Variants in ELL observed in about 807,000 individuals in gnomAD.
The protein encoded by ELL is RNA polymerase II elongation factor ELL.
ELL carries 18 observed loss-of-function variants against 64.0 expected under a neutral mutation model. The observed-to-expected ratio is 0.28, with a 90% confidence interval of 0.19 to 0.42. The LOEUF (loss-of-function observed/expected upper bound fraction) is 0.42, where lower values mean the gene tolerates loss of function less well. Ranked by LOEUF, ELL falls within the 10% of genes least tolerant of loss-of-function variation. The probability of loss-of-function intolerance (pLI) is 1.00; values close to 1 mark genes in which losing one functional copy is unlikely to be tolerated. For missense variants in ELL, 797 were observed against 870.4 expected (o/e 0.92, Z 1.06); for synonymous variants, 399 against 376.2 (o/e 1.06, Z -0.70).
Position 18,465,442 on chromosome 19 carries a change from T to C in ELL, c.439A>G (p.Ile147Val). Residue 147 changes from isoleucine to valine, a missense_variant, in exon 4 of 12, where the codon ATT becomes GTT. Coordinates refer to ENST00000262809, the MANE Select transcript of ELL (RefSeq NM_006532.4). ...TAGCGGCCTCCAGCCTTGATGACAATGGCACTTCGGCTCCGCGTCTCCTCC... is the reference window on the plus strand; with the variant it reads ...TAGCGGCCTCCAGCCTTGATGACAACGGCACTTCGGCTCCGCGTCTCCTCC... ...AEEETRSRSA[I>V]VIKAGGRYLG... is the part of the protein sequence containing the mutation. The C allele has an allele frequency of 1.2e-6, 2 of 1,610,432 alleles. No homozygotes were observed. The highest frequency in any genetic ancestry group is 1.7e-6 in the Non-Finnish European group (2 of 1,177,456).
chr19:18,475,369 G>A (rs1233637739), intron 1 of ELL, among the ~76,000 whole-genome samples: 7 of 152,184 alleles, frequency 4.6e-5, no homozygotes, highest in Non-Finnish European at 1.0e-4. Context: ...AGCAAGTGTT[G>A]GCGAGGACCC....
intron 1 of ELL, among the ~76,000 whole-genome samples, chr19:18,500,437 C>T (rs1036519394): frequency 6.6e-6 from 1 of 152,202 alleles, no homozygotes; most frequent in Non-Finnish European, 1.5e-5. Context: ...ACCTTCACAG[C>T]CGCTCCATCA....
chr19:18,467,136 T>G (rs935622057), intron 2 of ELL, among the ~76,000 whole-genome samples: 2 of 152,152 alleles, frequency 1.3e-5, no homozygotes, highest in African/African-American at 4.8e-5. Flanking sequence ...CCAGTGCCAG[T>G]CCCTGCTCCC....
chr19:18,447,609 C>A (rs531582734), intron 8 of ELL, among the ~76,000 whole-genome samples: 260 of 152,324 alleles, frequency 1.7e-3, no homozygotes, highest in Non-Finnish European at 1.6e-3. Flanking sequence ...GTGCCCCGGC[C>A]ACATAAGACA....
chr19:18,474,752 TG>T (rs1465265937), intron 1 of ELL, among the ~76,000 whole-genome samples: 1 of 152,186 alleles, frequency 6.6e-6, no homozygotes, highest in African/African-American at 2.4e-5. Flanking sequence ...ACCACCAGCC[TG>T]TGCTGCTACT....
Position 18,485,012 on chromosome 19 carries a change from C to T in ELL, c.136-12130G>A, listed in dbSNP as rs138834118. Reference sequence around the variant, plus strand: ...AGGGCACAGCATGGGCCTCTCCTAGCCCTGGGTTCCTGACGTTTCTGAGGT... The same window carrying T: ...AGGGCACAGCATGGGCCTCTCCTAGTCCTGGGTTCCTGACGTTTCTGAGGT... On this transcript the variant is annotated intron_variant, in intron 1 of 11. Coordinates refer to ENST00000262809, the MANE Select transcript of ELL (RefSeq NM_006532.4). 5.5e-3 allele frequency among the ~76,000 whole-genome samples: 839 copies of T among 152,290 alleles called. 2 individuals are homozygous for T. The highest frequency in any genetic ancestry group is 0.011 in the Admixed American group (168 of 15,302).
intron 5 of ELL, 116 bp downstream of exon 5, chr19:18,461,458 CCCAG>C: frequency 6.8e-7 from 1 of 1,461,344 alleles, no homozygotes; most frequent in Non-Finnish European, 9.1e-7. Flanking sequence ...TGTGAGAGAC[CCCAG>C]GAAGGGCTCT....
chr19:18,460,694 C>G (rs1974789841), intron 5 of ELL, among the ~76,000 whole-genome samples: 1 of 152,194 alleles, frequency 6.6e-6, no homozygotes, highest in Non-Finnish European at 1.5e-5. Flanking sequence ...AGCTGCTATC[C>G]CGGCATGCCA....
Position 18,493,854 on chromosome 19 carries a change from C to A in ELL, c.136-20972G>T, listed in dbSNP as rs544401363. 2.6e-5 allele frequency among the ~76,000 whole-genome samples: 4 copies of A among 152,322 alleles called. No individual in the cohort carries two copies. The South Asian group carries it at 8.3e-4, about 32-fold the overall frequency. On this transcript the variant is annotated intron_variant, in intron 1 of 11. Coordinates refer to ENST00000262809, the MANE Select transcript of ELL (RefSeq NM_006532.4). ...TCATAGCTCTTTGCTCTCTTGTCTG[C>A]ACACACAGATGTCCACCAGTGGGGA... is the stretch of plus-strand genomic sequence containing the variant.
chr19:18,505,822 G>T (rs536664564), intron 1 of ELL, among the ~76,000 whole-genome samples: 2 of 152,184 alleles, frequency 1.3e-5, no homozygotes, highest in African/African-American at 4.8e-5. Context: ...AATGTGAGTT[G>T]CAGGAGGGGC....
At chr19:18,515,070 G>C (rs558142893) in intron 1 of ELL, among the ~76,000 whole-genome samples, 1 of 152,360 alleles carries the variant, frequency 6.6e-6, no homozygotes, top group South Asian at 2.1e-4. Context: ...GTGGGTTTCC[G>C]AGTGAGCGCT....
chr19:18,443,132 T>C lies in ELL; in HGVS notation c.*1620A>G, dbSNP rs1276812062. 4.3e-6 allele frequency: 1 copy of C among 232,278 alleles called. No homozygotes were observed. Among genetic ancestry groups the C allele is most frequent in the African/African-American group, 2.2e-5 (1 of 45,266 alleles). 14.4% of individuals were successfully genotyped at this position (232,278 alleles called of 1,614,324 possible). A position where few individuals can be genotyped will look rare whatever the true frequency, so the allele number is the denominator to read the frequency against. ...CCTCACCGGTGTCTGCAGGGCTGCC[T>C]GCGGGCGACACAGCAAGGTCCAGCT... On this transcript the variant is annotated 3_prime_UTR_variant, in exon 12 of 12. Coordinates refer to ENST00000262809, the MANE Select transcript of ELL (RefSeq NM_006532.4).
At chr19:18,458,039 G>A (rs926890273) in intron 6 of ELL, among the ~76,000 whole-genome samples, 166 bp downstream of exon 6, 1 of 152,190 alleles carries the variant, frequency 6.6e-6, no homozygotes, top group Non-Finnish European at 1.5e-5. Flanking sequence ...GGGGCACCAC[G>A]TGGGCAGTAG....
intron 1 of ELL, among the ~76,000 whole-genome samples, chr19:18,504,716 G>A (rs1324852556): frequency 1.3e-5 from 2 of 152,172 alleles, no homozygotes; most frequent in African/African-American, 4.8e-5. Flanking sequence ...GCCAAGGCCC[G>A]AGAGTGACAC....
chr19:18,492,118 A>G (rs1223793038), intron 1 of ELL, among the ~76,000 whole-genome samples: 8 of 151,648 alleles, frequency 5.3e-5, no homozygotes, highest in Admixed American at 4.6e-4. Flanking sequence ...CTCTTCCCCA[A>G]CCTCCTCTGA....
chr19:18,447,935 C>T (rs1384924060), intron 8 of ELL, among the ~76,000 whole-genome samples: 1 of 151,944 alleles, frequency 6.6e-6, no homozygotes, highest in Non-Finnish European at 1.5e-5. Flanking sequence ...CAGGCATATG[C>T]CACCATGCCC....
chr19:18,480,629 AT>A (rs1283001353), intron 1 of ELL, among the ~76,000 whole-genome samples: 4 of 151,940 alleles, frequency 2.6e-5, no homozygotes, highest in African/African-American at 7.3e-5. Context: ...CATAGCAAGT[AT>A]TTTTTTTCTT....
chr19:18,454,879 T>C (rs1017838785), intron 6 of ELL, among the ~76,000 whole-genome samples: 2 of 135,036 alleles, frequency 1.5e-5, no homozygotes, highest in Non-Finnish European at 3.2e-5. Flanking sequence ...CTGGGCACGG[T>C]GGCTCACACC....
chr19:18,503,032 C>A (rs781666854), intron 1 of ELL, among the ~76,000 whole-genome samples: 2 of 152,250 alleles, frequency 1.3e-5, no homozygotes, highest in Non-Finnish European at 2.9e-5. Flanking sequence ...CTGGGCCCTG[C>A]CAGAGTGGCT....
Sources: gnomAD v4.1 joint callset for allele counts (sites outside exome capture counted in the v4.1 genomes callset) on GRCh38, gnomAD v4.1.1 for gene constraint, MANE v1.5 for transcripts, NCBI Gene and HGNC (gene_info 2026-07-23, HGNC 2026-07-21) for gene names.